ANGPT1: variants seen among roughly 807,000 people sequenced by gnomAD.
ANGPT1 encodes the protein angiopoietin-1.
In ANGPT1, 17 loss-of-function variants were observed where a neutral mutation model predicts 62.2. That is an observed-to-expected ratio of 0.27 (90% confidence interval 0.19 to 0.41). The LOEUF (loss-of-function observed/expected upper bound fraction) is 0.41. Ranked by LOEUF, ANGPT1 falls within the 10% of genes least tolerant of loss-of-function variation. ANGPT1 has a pLI of 1.00. For missense variants in ANGPT1, 478 were observed against 594.9 expected (o/e 0.80, Z 2.04); for synonymous variants, 199 against 198.9 (o/e 1.00, Z 0.00).
chr8:107,278,092 T>A (rs968041092), intron 7 of ANGPT1, among the ~76,000 whole-genome samples: 1 of 151,194 alleles, frequency 6.6e-6, no homozygotes, highest in African/African-American at 2.4e-5. Flanking sequence ...TTTTTTTTTT[T>A]AAAGACAGGG....
At chr8:107,272,729 T>C (rs1813765705) in intron 7 of ANGPT1, among the ~76,000 whole-genome samples, 1 of 149,280 alleles carries the variant, frequency 6.7e-6, no homozygotes, top group African/African-American at 2.5e-5. Context: ...CTGTACATCA[T>C]ATACATATAT....
chr8:107,378,682 T>A (rs959973886), intron 1 of ANGPT1, among the ~76,000 whole-genome samples: 2 of 151,924 alleles, frequency 1.3e-5, no homozygotes, highest in African/African-American at 4.8e-5. Context: ...TGATAGTGAG[T>A]TCTTGCGAGA....
At chr8:107,412,475 A>G in intron 1 of ANGPT1, among the ~76,000 whole-genome samples, 1 of 152,142 alleles carries the variant, frequency 6.6e-6, no homozygotes, top group East Asian at 1.9e-4. Flanking sequence ...GGAAAAAAAA[A>G]CAAAAACAGA....
intron 1 of ANGPT1, among the ~76,000 whole-genome samples, chr8:107,449,400 GCACACA>G (rs10537811): frequency 0.082 from 12,155 of 148,168 alleles, 527 homozygotes; most frequent in South Asian, 0.14. Flanking sequence ...ACACACACAT[GCACACA>G]CACACACACA....
chr8:107,317,641 T>A (rs1182334444), intron 4 of ANGPT1, among the ~76,000 whole-genome samples: 89 of 150,854 alleles, frequency 5.9e-4, no homozygotes, highest in South Asian at 1.9e-3. Context: ...TTTATTTTTT[T>A]TTTTTTTGAG....
intron 1 of ANGPT1, among the ~76,000 whole-genome samples, chr8:107,472,380 T>C (rs1287207485): frequency 6.6e-6 from 1 of 152,074 alleles, no homozygotes; most frequent in Non-Finnish European, 1.5e-5. Flanking sequence ...GCTCACCTCC[T>C]TGGCGATAGA....
At position 107,251,636 on chromosome 8, in the gene ANGPT1, T is replaced by C. The variant is rs1586159090; in HGVS notation, c.*219A>G. 2.0e-6 allele frequency: 1 copy of C among 507,324 alleles called. No individual in the cohort carries two copies. Among genetic ancestry groups the C allele is most frequent in the Non-Finnish European group, 3.4e-6 (1 of 289,870 alleles). 31.4% of individuals were successfully genotyped at this position (507,324 alleles called of 1,614,324 possible). The stretch of plus-strand genomic sequence containing the variant: ...GCCCGACAGTCAGTGGAGTTTTCTA[T>C]AGTCGAGCCACGTGAGCACTGTCAC... On this transcript the variant is annotated 3_prime_UTR_variant, in exon 9 of 9. Coordinates refer to ENST00000517746, the MANE Select transcript of ANGPT1 (RefSeq NM_001146.5).
chr8:107,308,283 A>C lies in ANGPT1; in HGVS notation c.809-4916T>G, dbSNP rs189096756. Among the ~76,000 whole-genome samples the C allele has an allele frequency of 2.0e-3, 305 of 152,290 alleles. 1 individual carries two copies. Among genetic ancestry groups the C allele is most frequent in the African/African-American group, 6.9e-3 (288 of 41,556 alleles). On this transcript the variant is annotated intron_variant, in intron 4 of 8. Coordinates refer to ENST00000517746, the MANE Select transcript of ANGPT1 (RefSeq NM_001146.5). ...TCAATTCAAGGTGGCTTAAGCAAAA[A>C]GATAATTTATTGGATCATGTAACTA... is the stretch of plus-strand genomic sequence containing the variant.
chr8:107,322,041 G>T lies in ANGPT1; in HGVS notation c.663C>A (p.Gly221=), dbSNP rs1248964710. Residue 221 remains glycine (G), a synonymous_variant, in exon 4 of 9, where the codon GGC becomes GGA. Coordinates refer to ENST00000517746, the MANE Select transcript of ANGPT1 (RefSeq NM_001146.5). ...TLKEEKENLQ[G]LVTRQTYIIQ... is the part of the protein sequence containing the mutation. ...TTATATATGTTTGACGAGTAACCAA[G>T]CCTTGAAGGTTCTCTTTCTCTTCCT... 6.2e-7 allele frequency: 1 copy of T among 1,613,750 alleles called. No individual in the cohort carries two copies. The highest frequency in any genetic ancestry group is 8.5e-7 in the Non-Finnish European group (1 of 1,179,870).
chr8:107,403,351 T>G (rs1044967795), intron 1 of ANGPT1, among the ~76,000 whole-genome samples: 3 of 152,112 alleles, frequency 2.0e-5, no homozygotes, highest in Non-Finnish European at 4.4e-5. Flanking sequence ...ACCTACACCT[T>G]AGCTGCAAAG....
intron 6 of ANGPT1, among the ~76,000 whole-genome samples, chr8:107,291,523 T>G (rs1382600383): frequency 6.6e-6 from 1 of 152,024 alleles, no homozygotes; most frequent in Non-Finnish European, 1.5e-5. Context: ...GCGATTCCCC[T>G]GCCTCAGCCT....
chr8:107,260,161 A>G (rs1260056434), intron 8 of ANGPT1, among the ~76,000 whole-genome samples: 1 of 152,112 alleles, frequency 6.6e-6, no homozygotes, highest in East Asian at 1.9e-4. Flanking sequence ...TCTAGCTGAA[A>G]TACCTTCTGC....
rs147682895 is a variant in ANGPT1 at position 107,279,874 on chromosome 8, G to A, written c.1205+4808C>T. Among the ~76,000 whole-genome samples, 983 of 152,204 alleles carry A rather than the reference G, an allele frequency of 6.5e-3. 19 individuals carry two copies. Among genetic ancestry groups the A allele is most frequent in the African/African-American group, 0.022 (922 of 41,534 alleles). ...TGGATAGTTATCCAGAGTGCTACGG[G>A]TCAATGGGAGCACAGAGTATCCAAA... On this transcript the variant is annotated intron_variant, in intron 7 of 8. Coordinates refer to ENST00000517746, the MANE Select transcript of ANGPT1 (RefSeq NM_001146.5).
intron 1 of ANGPT1, among the ~76,000 whole-genome samples, chr8:107,452,377 G>T (rs1811799859): frequency 6.6e-6 from 1 of 151,730 alleles, no homozygotes; most frequent in Non-Finnish European, 1.5e-5. Context: ...ATTGCACCAT[G>T]CACATTCATA....
At chr8:107,376,647 C>G (rs765261092) in intron 1 of ANGPT1, among the ~76,000 whole-genome samples, 25 of 152,106 alleles carry the variant, frequency 1.6e-4, no homozygotes, top group African/African-American at 6.0e-4. Flanking sequence ...GTGAGAGATA[C>G]GGTAAGGCCT....
chr8:107,374,489 A>G (rs994259752), intron 1 of ANGPT1, among the ~76,000 whole-genome samples: 1 of 152,216 alleles, frequency 6.6e-6, no homozygotes, highest in Non-Finnish European at 1.5e-5. Flanking sequence ...CAAGGCAGCC[A>G]GCCAAGGGTG....
Position 107,284,783 on chromosome 8 carries a change from C to G in ANGPT1, c.1104G>C (p.Gln368His), listed in dbSNP as rs1814099364. The change falls in exon 7 of 9, where the codon CAG becomes CAC. Residue 368 changes from glutamine to histidine, a missense_variant. Physicochemically the swap from Gln to His is conservative, Grantham distance 24 (BLOSUM62 0). Coordinates refer to ENST00000517746, the MANE Select transcript of ANGPT1 (RefSeq NM_001146.5). ...GNEFIFAITS[Q>H]RQYMLRIELM... ...ACTCAATTCTTAGCATGTACTGCCT[C>G]TGACTGGTAATGGCAAAAATAAACT... The G allele has an allele frequency of 6.2e-7, 1 of 1,611,590 alleles. No homozygotes were observed. Among genetic ancestry groups the G allele is most frequent in the Non-Finnish European group, 8.5e-7 (1 of 1,178,394 alleles).
At chr8:107,422,392 C>T (rs1002895304) in intron 1 of ANGPT1, among the ~76,000 whole-genome samples, 2 of 152,174 alleles carry the variant, frequency 1.3e-5, no homozygotes, top group African/African-American at 4.8e-5. Context: ...ACCTCAAGTT[C>T]TCTCATGCCA....
chr8:107,263,799 CTTTA>C (rs1476267012), intron 8 of ANGPT1, among the ~76,000 whole-genome samples: 1 of 152,142 alleles, frequency 6.6e-6, no homozygotes, highest in Non-Finnish European at 1.5e-5. Context: ...AACTACACCT[CTTTA>C]TTTTTCTTAT....
Sources: allele counts gnomAD v4.1 joint callset (sites outside exome capture counted in the v4.1 genomes callset), GRCh38; gene constraint gnomAD v4.1.1; transcripts MANE v1.5; gene names NCBI Gene and HGNC (gene_info 2026-07-23, HGNC 2026-07-21).